FBF1: variants seen among roughly 807,000 people sequenced by gnomAD.
The protein encoded by FBF1 is fas-binding factor 1.
In FBF1, 119 loss-of-function variants were observed where a neutral mutation model predicts 147.2. The observed-to-expected ratio is 0.81, with a 90% CI of 0.70 to 0.94. FBF1 has a LOEUF of 0.94. FBF1 is among the 40% of genes least tolerant of loss of function. The pLI is 0.00. For synonymous variants in FBF1, 601 were observed against 609.0 expected (o/e 0.99, Z 0.19); for missense variants, 1,449 against 1,500.8 (o/e 0.97, Z 0.57).
Position 75,925,434 on chromosome 17 carries a change from A to G in FBF1, c.881T>C (p.Met294Thr), listed in dbSNP as rs2065554466. ...AAAGGTGAAGTCCTCGTCACCCCAC[A>G]TATCTTCACTGTCTGTGAATTAAGG... ...KYQRPQDSED[M>T]WGDEDFTFGA... The change falls in exon 13 of 30, where the codon ATG becomes ACG. Residue 294 changes from methionine to threonine, a missense_variant. Coordinates refer to ENST00000636174, the MANE Select transcript of FBF1 (RefSeq NM_001319193.2). This position sits in a 1 kb window ranked among gnomAD's most constrained non-coding sequence, Gnocchi z 5.0. 1.9e-6 allele frequency: 3 copies of G among 1,613,372 alleles called. No individual in the cohort carries two copies. The highest frequency in any genetic ancestry group is 2.2e-5 in the East Asian group (1 of 44,878).
At chr17:75,929,585 C>T (rs1375493633) in intron 7 of FBF1, among the ~76,000 whole-genome samples, 2 of 152,132 alleles carry the variant, frequency 1.3e-5, no homozygotes, top group Non-Finnish European at 2.9e-5. Flanking sequence ...CAAAGATTGG[C>T]GCTGGGCTTG....
At chr17:75,931,773 ACT>A (rs1204724861) in intron 5 of FBF1, among the ~76,000 whole-genome samples, 6 of 151,528 alleles carry the variant, frequency 4.0e-5, no homozygotes, top group African/African-American at 7.3e-5. Flanking sequence ...ACAGAGCAAG[ACT>A]CTGTCTCAAA....
rs553254447 is a variant in FBF1, at chr17:75,918,929, A to G, written c.2139-660T>C. 1.5e-4 allele frequency among the ~76,000 whole-genome samples: 22 copies of G among 148,884 alleles called. No homozygotes were observed. The highest frequency in any genetic ancestry group is 2.7e-4 in the Non-Finnish European group (18 of 67,474). ...AGTGTTTTGTTTTTTAAATGTTTTT[A>G]GAGACAGGGTTTTGTTCTGTGGTCC... On this transcript the variant is annotated intron_variant, in intron 20 of 29. Transcript: ENST00000636174. The surrounding 1 kb of genome is among the most constrained non-coding windows in gnomAD (Gnocchi z 5.8).
chr17:75,914,683 G>A (rs2065476859), intron 25 of FBF1, 64 bp downstream of exon 25: 2 of 1,436,886 alleles, frequency 1.4e-6, no homozygotes, highest in Non-Finnish European at 1.8e-6. Context: ...GGAAGCGGAT[G>A]TGTCCAGATG....
intron 3 of FBF1, among the ~76,000 whole-genome samples, chr17:75,936,493 AAAAC>A (rs771143742): frequency 1.5e-4 from 23 of 151,900 alleles, no homozygotes; most frequent in Non-Finnish European, 2.6e-4. Flanking sequence ...CGCCGTCTCA[AAAAC>A]AAACAAACAA....
chr17:75,939,210 A>T (rs1314458418), intron 1 of FBF1, among the ~76,000 whole-genome samples: 1 of 148,016 alleles, frequency 6.8e-6, no homozygotes, highest in Admixed American at 6.9e-5. Context: ...GCAGGAGACT[A>T]GGTTGAACCT....
Position 75,918,223 on chromosome 17 carries a change from G to T in FBF1, c.2185C>A (p.Arg729=), listed in dbSNP as rs565666350. 8.7e-6 allele frequency: 14 copies of T among 1,613,274 alleles called. No individual in the cohort carries two copies. Among genetic ancestry groups the T allele is most frequent in the Non-Finnish European group, 1.2e-5 (14 of 1,179,840 alleles). The change falls in exon 21 of 30, where the codon CGG becomes AGG. Residue 729 remains arginine (R), a synonymous_variant. Transcript: ENST00000636174. This position sits in a 1 kb window ranked among gnomAD's most constrained non-coding sequence, Gnocchi z 5.8. ...MRRDHEEQLQ[R]LKLLKDREVD... ...TCTCGGTCCTTCAGCAGCTTTAGCCGCTGCAGCTGCTCCTCGTGGTCTCTG... is the reference window on the plus strand; with the variant it reads ...TCTCGGTCCTTCAGCAGCTTTAGCCTCTGCAGCTGCTCCTCGTGGTCTCTG...
At chr17:75,915,177 G>A (rs750586324) in intron 23 of FBF1, 38 bp from the exon 24 acceptor site, 21 of 1,586,680 alleles carry the variant, frequency 1.3e-5, no homozygotes, top group East Asian at 4.5e-5. Flanking sequence ...CGTGGTTCCC[G>A]CCCTGAGGAT....
At position 75,925,753 on chromosome 17, in the gene FBF1, C is replaced by T. The variant is rs998518950; in HGVS notation, c.868+277G>A. ...TGTCCAGAGCAGTGCTTTTCAAATG[C>T]GAGCTGCTACCCATGAGAGGGCTGA... On this transcript the variant is annotated intron_variant, in intron 12 of 29. Coordinates refer to ENST00000636174, the MANE Select transcript of FBF1 (RefSeq NM_001319193.2). This position sits in a 1 kb window ranked among gnomAD's most constrained non-coding sequence, Gnocchi z 5.0. 1.3e-5 allele frequency among the ~76,000 whole-genome samples: 2 copies of T among 152,188 alleles called. No individual in the cohort carries two copies. Among genetic ancestry groups the T allele is most frequent in the Non-Finnish European group, 2.9e-5 (2 of 68,034 alleles).
chr17:75,934,088 G>A lies in FBF1; in HGVS notation c.74-1000C>T, dbSNP rs529498890. Among the ~76,000 whole-genome samples, 10 of 152,198 alleles carry A rather than the reference G, an allele frequency of 6.6e-5. No homozygotes were observed. In the South Asian group the frequency reaches 1.5e-3, roughly 22 times the overall value. On this transcript the variant is annotated intron_variant, in intron 4 of 29. Transcript: ENST00000636174. The stretch of plus-strand genomic sequence containing the variant: ...TCCGCCCAAAAACTAGTACACGAAC[G>A]TTCATAACAGCATTATTCATAACAG...
intron 6 of FBF1, 108 bp downstream of exon 6, chr17:75,931,121 A>G: frequency 1.7e-6 from 2 of 1,157,510 alleles, no homozygotes; most frequent in Non-Finnish European, 2.5e-6. Context: ...GAACAAAGTG[A>G]CTTTGCAGGG....
At chr17:75,932,698 C>A (rs1456897876) in intron 5 of FBF1, among the ~76,000 whole-genome samples, 2 of 152,032 alleles carry the variant, frequency 1.3e-5, no homozygotes, top group Admixed American at 6.6e-5. Context: ...CCAGCCTGAC[C>A]AATATGGTGA....
intron 23 of FBF1, among the ~76,000 whole-genome samples, chr17:75,915,512 C>T (rs747681531): frequency 6.6e-6 from 1 of 152,202 alleles, no homozygotes; most frequent in Non-Finnish European, 1.5e-5. Flanking sequence ...GTGCTGTGGG[C>T]CCAGCCACAC....
intron 16 of FBF1, 65 bp downstream of exon 16, chr17:75,921,407 G>A (rs773711916): frequency 4.2e-5 from 65 of 1,559,546 alleles, no homozygotes; most frequent in Non-Finnish European, 5.7e-5. Flanking sequence ...CCCAAAGGAA[G>A]CTCAAAGCAC....
chr17:75,921,843 G>A, intron 15 of FBF1, 102 bp downstream of exon 15: 1 of 1,074,564 alleles, frequency 9.3e-7, no homozygotes, highest in Non-Finnish European at 1.3e-6. Flanking sequence ...CACGGGGACG[G>A]GGCAGGGGCA....
At chr17:75,931,387 A>C in intron 5 of FBF1, 98 bp from the exon 6 acceptor site, 1 of 1,068,054 alleles carries the variant, frequency 9.4e-7, no homozygotes, top group Non-Finnish European at 1.4e-6. Flanking sequence ...AATCTCGGAT[A>C]GGTCTCTCCG....
intron 7 of FBF1, 33 bp downstream of exon 7, chr17:75,929,964 C>CCCAAAAAAAAAAAA: frequency 7.1e-7 from 1 of 1,402,202 alleles, no homozygotes; most frequent in Non-Finnish European, 9.9e-7. Flanking sequence ...CACCCACCCC[C>CCCAAAAAAAAAAAA]AGTTCTAAGA....
At chr17:75,930,158 A>G (rs1305028226) in intron 6 of FBF1, 111 bp from the exon 7 acceptor site, 3 of 812,724 alleles carry the variant, frequency 3.7e-6, no homozygotes, top group Non-Finnish European at 6.1e-6. Flanking sequence ...GCGCGGCAGG[A>G]GCAGAGCTTG....
Position 75,918,353 on chromosome 17 carries a change from G to A in FBF1, c.2139-84C>T, listed in dbSNP as rs961031970. The A allele has an allele frequency of 1.3e-5, 15 of 1,171,550 alleles. No homozygotes were observed. The highest frequency in any genetic ancestry group is 1.2e-4 in the South Asian group (8 of 69,044). 72.6% of individuals were successfully genotyped at this position (1,171,550 alleles called of 1,614,324 possible). A position where few individuals can be genotyped will look rare whatever the true frequency, so the allele number is the denominator to read the frequency against. On this transcript the variant is annotated intron_variant, in intron 20 of 29. Transcript: ENST00000636174. This position sits in a 1 kb window ranked among gnomAD's most constrained non-coding sequence, Gnocchi z 5.8. ...ACTCCTTGTGGAAGGGTGTGTTTCC[G>A]TGCAGCCCTTGCTCCCAGGCCTCTC...
Sources: allele counts gnomAD v4.1 joint callset (sites outside exome capture counted in the v4.1 genomes callset), GRCh38; gene constraint gnomAD v4.1.1; non-coding constraint Gnocchi (gnomAD v3.1); transcripts MANE v1.5; gene names NCBI Gene and HGNC (gene_info 2026-07-23, HGNC 2026-07-21).